TAFA5: variants seen among roughly 807,000 people sequenced by gnomAD.
TAFA5 encodes the protein TAFA chemokine like family member 5, also known as chemokine-like protein TAFA-5.
TAFA5 carries 6 observed loss-of-function variants against 15.3 expected under a neutral mutation model. The ratio of observed to expected loss-of-function variants is 0.39; its 90% confidence interval spans 0.21 to 0.77. The LOEUF is 0.77. TAFA5 is among the 30% of genes least tolerant of loss of function. The pLI, the probability that TAFA5 is intolerant of heterozygous loss-of-function variation, is 0.41. For missense variants in TAFA5, 161 were observed against 193.1 expected (o/e 0.83, Z 0.98); for synonymous variants, 103 against 80.7 (o/e 1.28, Z -1.48).
chr22:48,648,881 T>C (rs1306759830), intron 2 of TAFA5, among the ~76,000 whole-genome samples: 1 of 152,154 alleles, frequency 6.6e-6, no homozygotes, highest in Non-Finnish European at 1.5e-5. Context: ...GGTGTTCTAA[T>C]AGGCCGAGCC....
rs1030349459 is a variant in TAFA5 at position 48,666,177 on chromosome 22, C to T, written c.262+19431C>T. 7.2e-5 allele frequency among the ~76,000 whole-genome samples: 11 copies of T among 152,176 alleles called. No homozygotes were observed. In the East Asian group the frequency reaches 9.7e-4, roughly 13 times the overall value. Reference sequence around the variant, plus strand: ...GAGCTGAGCTGACCCTGCAGATGGTCGGGGAGGTTCAAATATGATCGCAGC... The same window carrying T: ...GAGCTGAGCTGACCCTGCAGATGGTTGGGGAGGTTCAAATATGATCGCAGC... On this transcript the variant is annotated intron_variant, in intron 2 of 3. Transcript: ENST00000402357.
At chr22:48,693,267 T>C (rs574443568) in intron 2 of TAFA5, 1 of 1,569,452 alleles carries the variant, frequency 6.4e-7, no homozygotes, top group East Asian at 2.4e-5. Context: ...TGCTCAGACC[T>C]TTTCATCCCA....
At chr22:48,539,790 G>A (rs1436073019) in intron 1 of TAFA5, among the ~76,000 whole-genome samples, 3 of 152,210 alleles carry the variant, frequency 2.0e-5, no homozygotes, top group Non-Finnish European at 4.4e-5. Context: ...GACCAGGCAA[G>A]GTCACCCCCA....
At chr22:48,674,338 C>T (rs779696985) in intron 2 of TAFA5, among the ~76,000 whole-genome samples, 14 of 133,578 alleles carry the variant, frequency 1.0e-4, no homozygotes, top group South Asian at 2.7e-4. Context: ...GCTTTTGTTC[C>T]GCCAGCGGTT....
At chr22:48,666,197 C>T (rs910225472) in intron 2 of TAFA5, among the ~76,000 whole-genome samples, 6 of 152,208 alleles carry the variant, frequency 3.9e-5, no homozygotes, top group African/African-American at 1.2e-4. Context: ...CAAATATGAT[C>T]GCAGCCAGGA....
At chr22:48,588,475 G>A (rs992039354) in intron 1 of TAFA5, among the ~76,000 whole-genome samples, 6 of 152,186 alleles carry the variant, frequency 3.9e-5, no homozygotes, top group African/African-American at 1.4e-4. Flanking sequence ...AGTGGGAGGG[G>A]TCCTGCAGAG....
At chr22:48,576,504 G>A in intron 1 of TAFA5, 1 of 1,499,544 alleles carries the variant, frequency 6.7e-7, no homozygotes, top group Admixed American at 2.0e-5. Context: ...AGGCGCTCTG[G>A]GCACTGGCAG....
At chr22:48,731,637 G>C (rs1601704198) in intron 3 of TAFA5, among the ~76,000 whole-genome samples, 1 of 152,202 alleles carries the variant, frequency 6.6e-6, no homozygotes, top group African/African-American at 2.4e-5. Flanking sequence ...AACACGGCCT[G>C]GATGGCAGCA....
chr22:48,706,912 A>G (rs955998348), intron 2 of TAFA5, among the ~76,000 whole-genome samples: 4 of 152,200 alleles, frequency 2.6e-5, no homozygotes, highest in African/African-American at 7.2e-5. Flanking sequence ...CAGTCTGCCT[A>G]ACACCTACAG....
At chr22:48,580,727 A>G (rs1370428356) in intron 1 of TAFA5, among the ~76,000 whole-genome samples, 1 of 152,138 alleles carries the variant, frequency 6.6e-6, no homozygotes, top group Non-Finnish European at 1.5e-5. Flanking sequence ...CTGTGCCTGC[A>G]CCCCTGCACC....
intron 1 of TAFA5, among the ~76,000 whole-genome samples, chr22:48,602,473 A>G (rs1925009080): frequency 6.6e-6 from 1 of 152,202 alleles, no homozygotes; most frequent in Non-Finnish European, 1.5e-5. Flanking sequence ...CCCAGGAGGC[A>G]TCCGTGGAGG....
chr22:48,583,140 CCA>C (rs1924152296), intron 1 of TAFA5, among the ~76,000 whole-genome samples: 1 of 139,398 alleles, frequency 7.2e-6, no homozygotes, highest in Non-Finnish European at 1.6e-5. Flanking sequence ...CACACACACA[CCA>C]CACACCACAC....
chr22:48,548,817 C>A (rs1922766030), intron 1 of TAFA5, among the ~76,000 whole-genome samples: 1 of 152,234 alleles, frequency 6.6e-6, no homozygotes, highest in Non-Finnish European at 1.5e-5. Flanking sequence ...TATCTCCTGG[C>A]CCCTTTAATC....
At chr22:48,498,831 A>G (rs756253081) in intron 1 of TAFA5, among the ~76,000 whole-genome samples, 12 of 152,186 alleles carry the variant, frequency 7.9e-5, no homozygotes, top group Non-Finnish European at 1.5e-4. Context: ...TAGCGCACCT[A>G]TACCTTGTCT....
rs74343795 is a variant in TAFA5 at position 48,683,315 on chromosome 22, C to T, written c.263-24402C>T. Among the ~76,000 whole-genome samples, 728 of 152,350 alleles carry T rather than the reference C, an allele frequency of 4.8e-3. 4 individuals are homozygous for T. The highest frequency in any genetic ancestry group is 0.017 in the African/African-American group (699 of 41,580). On this transcript the variant is annotated intron_variant, in intron 2 of 3. Coordinates refer to ENST00000402357, the MANE Select transcript of TAFA5 (RefSeq NM_001082967.3). ...ACGAGAGTGCTGGTTAATAGCTTAA[C>T]GCCATAAGCTAATTAGCTGGGGGCC...
intron 3 of TAFA5, among the ~76,000 whole-genome samples, chr22:48,716,774 C>T (rs552884577): frequency 2.8e-4 from 43 of 152,260 alleles, no homozygotes; most frequent in Non-Finnish European, 4.7e-4. Flanking sequence ...CATACATGTA[C>T]ATATGGTATG....
intron 1 of TAFA5, among the ~76,000 whole-genome samples, chr22:48,622,914 C>T (rs1017011408): frequency 6.6e-6 from 1 of 152,252 alleles, no homozygotes. Flanking sequence ...CCGTGACAGC[C>T]AAGCACACTA....
At chr22:48,705,507 G>C (rs1929050753) in intron 2 of TAFA5, among the ~76,000 whole-genome samples, 1 of 152,326 alleles carries the variant, frequency 6.6e-6, no homozygotes, top group East Asian at 1.9e-4. Context: ...GTGCCCTCGT[G>C]GGGTGAGGAG....
intron 1 of TAFA5, chr22:48,576,225 C>G (rs1341381504): frequency 5.4e-5 from 21 of 391,718 alleles, no homozygotes; most frequent in Non-Finnish European, 7.9e-5. Flanking sequence ...CGGCCCGAGA[C>G]TTTCTGCTAA....
Sources: allele counts gnomAD v4.1 joint callset (sites outside exome capture counted in the v4.1 genomes callset), GRCh38; gene constraint gnomAD v4.1.1; transcripts MANE v1.5; gene names NCBI Gene and HGNC (gene_info 2026-07-23, HGNC 2026-07-21).